Variants in BRD8 observed in about 807,000 individuals in gnomAD.
BRD8 encodes the protein bromodomain containing 8, also known as bromodomain-containing protein 8.
BRD8 carries 67 observed loss-of-function variants against 143.1 expected under a neutral mutation model. The observed-to-expected ratio is 0.47, with a 90% CI of 0.38 to 0.57. BRD8 has a LOEUF of 0.57. Among genes scored for constraint, BRD8 ranks in the 20% least tolerant of loss-of-function variants. The pLI is 0.00. For missense variants in BRD8, 1,103 were observed against 1,503.0 expected, an observed-to-expected ratio of 0.73 and a Z score of 4.40; for synonymous variants, 505 against 517.1, an observed-to-expected ratio of 0.98 and a Z score of 0.32.
chr5:138,165,725 C>T, intron 11 of BRD8, 103 bp downstream of exon 11: 3 of 1,154,046 alleles, frequency 2.6e-6, no homozygotes, highest in Non-Finnish European at 3.5e-6. Context: ...GACTCTGTCT[C>T]CAAAAAAAAA....
intron 15 of BRD8, 50 bp downstream of exon 15, chr5:138,163,080 C>T: frequency 6.6e-7 from 1 of 1,512,424 alleles, no homozygotes; most frequent in Non-Finnish European, 9.2e-7. Context: ...AAAAGATCCT[C>T]TCCTCACCTT....
At chr5:138,162,000 C>G (rs1237209338) in intron 16 of BRD8, 54 bp downstream of exon 16, 5 of 1,580,440 alleles carry the variant, frequency 3.2e-6, no homozygotes, top group East Asian at 2.2e-5. Context: ...TTTCCAGTCA[C>G]CAACAATGAA....
In BRD8 at chr5:138,170,351, A is replaced by G. The variant is rs1170561823; in HGVS notation, c.499T>C (p.Tyr167His). The G allele has an allele frequency of 6.2e-7, 1 of 1,610,830 alleles. No individual in the cohort carries two copies. The highest frequency in any genetic ancestry group is 8.5e-7 in the Non-Finnish European group (1 of 1,176,924). ...EVKRKATDAA[Y>H]QARQAVKTPP... ...CATACTAGGTTCAGCTTACCCTGGT[A>G]TGCAGCATCTGTAGCCTTCCTCTTT... The change falls in exon 7 of 27, where the codon TAC (tyrosine) becomes CAC (histidine). Residue 167 changes from tyrosine (Y) to histidine (H), a missense_variant. Tyr to His is a moderately conservative substitution (Grantham distance 83). Transcript: ENST00000254900.
intron 20 of BRD8, chr5:138,157,055 C>A: frequency 6.7e-7 from 1 of 1,502,810 alleles, no homozygotes; most frequent in Admixed American, 2.3e-5. Flanking sequence ...TTGTGCTACT[C>A]CAACTCTCTA....
chr5:138,149,308 A>G lies in BRD8; in HGVS notation c.3278+332T>C, dbSNP rs769907878. On this transcript the variant is annotated intron_variant, in intron 23 of 26. Coordinates refer to ENST00000254900, the MANE Select transcript of BRD8 (RefSeq NM_139199.2). Reference sequence around the variant, plus strand: ...TTTTTAATTTTTATTTTGTAGAGGCATGGTCTCCCTATGTTGCCCAGGCTG... The same window carrying G: ...TTTTTAATTTTTATTTTGTAGAGGCGTGGTCTCCCTATGTTGCCCAGGCTG... Among the ~76,000 whole-genome samples, 12 of 151,898 alleles carry G rather than the reference A, an allele frequency of 7.9e-5. 1 individual carries two copies. In the Middle Eastern group the frequency reaches 0.014, roughly 172 times the overall value.
chr5:138,146,707 G>T (rs933631313), intron 23 of BRD8, among the ~76,000 whole-genome samples: 1 of 152,086 alleles, frequency 6.6e-6, no homozygotes, highest in Non-Finnish European at 1.5e-5. Context: ...GGTGGCTCAC[G>T]CCTGTAATCC....
At chr5:138,151,695 G>A (rs1421256595) in intron 21 of BRD8, among the ~76,000 whole-genome samples, 1 of 152,116 alleles carries the variant, frequency 6.6e-6, no homozygotes, top group Non-Finnish European at 1.5e-5. Flanking sequence ...ACGGAGTCTC[G>A]CTCTGTTACC....
intron 2 of BRD8, among the ~76,000 whole-genome samples, chr5:138,172,521 C>CA (rs10547758): frequency 0.16 from 4,045 of 24,626 alleles, 963 homozygotes; most frequent in East Asian, 0.58. Context: ...GACTCCATCT[C>CA]AAAAAAAAAA....
At chr5:138,166,248 T>C (rs918102360) in intron 10 of BRD8, 140 bp from the exon 11 acceptor site, 3 of 685,500 alleles carry the variant, frequency 4.4e-6, no homozygotes, top group Non-Finnish European at 5.0e-6. Context: ...GTGCCTATGT[T>C]TTCTTCTCCC....
chr5:138,158,805 A>T (rs1479046464), intron 20 of BRD8, among the ~76,000 whole-genome samples: 8 of 140,498 alleles, frequency 5.7e-5, no homozygotes, highest in South Asian at 4.6e-4. Context: ...TCGCTCTGTC[A>T]CCCAGGCTGG....
At chr5:138,151,185 T>A (rs1299310285) in intron 21 of BRD8, among the ~76,000 whole-genome samples, 177 bp from the exon 22 acceptor site, 2 of 152,248 alleles carry the variant, frequency 1.3e-5, no homozygotes. Flanking sequence ...GGCACTGGGC[T>A]GGTTGGTGGG....
chr5:138,168,790 G>C, intron 8 of BRD8: 4 of 687,410 alleles, frequency 5.8e-6, no homozygotes, highest in Non-Finnish European at 7.5e-6. Flanking sequence ...TATTAGTCCT[G>C]AGTGGAATTG....
At chr5:138,170,936 T>C (rs1753816241) in intron 5 of BRD8, 24 bp from the exon 6 acceptor site, 1 of 1,613,140 alleles carries the variant, frequency 6.2e-7, no homozygotes, top group South Asian at 1.1e-5. Flanking sequence ...GAGAGGTAGG[T>C]AGACTGGGTT....
chr5:138,171,549 G>C, intron 3 of BRD8, 139 bp from the exon 4 acceptor site: 1 of 625,446 alleles, frequency 1.6e-6, no homozygotes, highest in South Asian at 2.0e-5. Flanking sequence ...AGGAGGGCAA[G>C]TAACTTTATA....
chr5:138,144,925 A>G (rs922726557), intron 25 of BRD8, among the ~76,000 whole-genome samples: 7 of 144,018 alleles, frequency 4.9e-5, no homozygotes, highest in African/African-American at 1.5e-4. Context: ...AAAAATATAT[A>G]TATATATAGA....
At chr5:138,167,875 G>C in intron 9 of BRD8, 59 bp downstream of exon 9, 1 of 1,468,196 alleles carries the variant, frequency 6.8e-7, no homozygotes, top group South Asian at 1.1e-5. Context: ...GTGAAACTGA[G>C]GTCAGTCAAT....
At chr5:138,172,284 G>A (rs1581456652) in intron 2 of BRD8, 150 bp from the exon 3 acceptor site, 2 of 578,508 alleles carry the variant, frequency 3.5e-6, no homozygotes, top group East Asian at 6.4e-5. Context: ...CAGCACTTTG[G>A]GAGGCCAAGA....
Position 138,164,786 on chromosome 5 carries a change from A to G in BRD8, c.1659T>C (p.Ala553=). 6.2e-7 allele frequency: 1 copy of G among 1,614,208 alleles called. No individual in the cohort carries two copies. The change falls in exon 12 of 27, where the codon GCT becomes GCC. Residue 553 remains alanine, a synonymous_variant. Coordinates refer to ENST00000254900, the MANE Select transcript of BRD8 (RefSeq NM_139199.2). The part of the protein sequence containing the change: ...DLDEELGSTA[A]GEIVEADVAI... Reference sequence around the variant, plus strand: ...CAACATCTGCTTCAACAATCTCTCCAGCTGCAGTACTTCCCAGTTCCTCAT... The same window carrying G: ...CAACATCTGCTTCAACAATCTCTCCGGCTGCAGTACTTCCCAGTTCCTCAT...
At chr5:138,144,913 AAAAAAATATAT>A (rs897892205) in intron 25 of BRD8, among the ~76,000 whole-genome samples, 10 of 144,496 alleles carry the variant, frequency 6.9e-5, no homozygotes, top group Non-Finnish European at 1.4e-4. Flanking sequence ...AAAAAAAAAA[AAAAAAATATAT>A]ATATATATAG....
Sources: allele counts gnomAD v4.1 joint callset (sites outside exome capture counted in the v4.1 genomes callset), GRCh38; gene constraint gnomAD v4.1.1; transcripts MANE v1.5; gene names NCBI Gene and HGNC (gene_info 2026-07-23, HGNC 2026-07-21).